DCLK2: variants seen among roughly 807,000 people sequenced by gnomAD.
DCLK2 encodes serine/threonine-protein kinase DCLK2.
Under a neutral mutation model 78.4 loss-of-function variants are expected in DCLK2, and 31 were observed. That is an observed-to-expected ratio of 0.40 (90% confidence interval 0.30 to 0.53). DCLK2 has a LOEUF of 0.53. DCLK2 is among the 20% of genes least tolerant of loss of function. The pLI is 0.61. For synonymous variants in DCLK2, 407 were observed against 374.9 expected, an observed-to-expected ratio of 1.09 and a Z score of -0.99; for missense variants, 872 against 973.7, an observed-to-expected ratio of 0.90 and a Z score of 1.39.
intron 1 of DCLK2, among the ~76,000 whole-genome samples, chr4:150,087,164 G>T (rs533941954): frequency 1.3e-5 from 2 of 152,292 alleles, no homozygotes; most frequent in African/African-American, 4.8e-5. Context: ...TTTGTCAGAA[G>T]CTTTTCCTTA....
At position 150,078,658 on chromosome 4, in the gene DCLK2, G is replaced by C. The variant is rs1728992564; in HGVS notation, c.-370G>C. On this transcript the variant is annotated 5_prime_UTR_variant, in exon 1 of 16. Transcript: ENST00000296550. Reference sequence around the variant, plus strand: ...ACGCCCGAGCTTTGTGGGCGCCCGCGGGCCCAGCGCGAGCCTCGGGCGGCC... The same window carrying C: ...ACGCCCGAGCTTTGTGGGCGCCCGCCGGCCCAGCGCGAGCCTCGGGCGGCC... The C allele has an allele frequency of 6.2e-6, 1 of 160,094 alleles. No homozygotes were observed. The highest frequency in any genetic ancestry group is 2.4e-5 in the African/African-American group (1 of 41,812). 9.9% of individuals were successfully genotyped at this position (160,094 alleles called of 1,614,324 possible).
At position 150,183,736 on chromosome 4, in the gene DCLK2, T is replaced by C. The variant is rs999218388; in HGVS notation, c.757-9402T>C. 2.7e-5 allele frequency among the ~76,000 whole-genome samples: 4 copies of C among 150,180 alleles called. No individual in the cohort carries two copies. The East Asian group carries it at 5.8e-4, about 22-fold the overall frequency. ...TTCTTTTGATTTCTTTTTTTCTTTT[T>C]CTTTTTTTTTTTTTGGAGACAGAGT... On this transcript the variant is annotated intron_variant, in intron 2 of 15. Transcript: ENST00000296550.
intron 6 of DCLK2, 89 bp downstream of exon 6, chr4:150,220,867 A>G (rs775524189): frequency 9.3e-7 from 1 of 1,072,458 alleles, no homozygotes; most frequent in South Asian, 1.4e-5. Context: ...CTAAATTACG[A>G]TCTTCCTAAA....
intron 2 of DCLK2, among the ~76,000 whole-genome samples, chr4:150,173,690 G>A (rs1022951306): frequency 4.6e-5 from 7 of 152,234 alleles, no homozygotes; most frequent in African/African-American, 1.7e-4. Flanking sequence ...TGTCCTCTCA[G>A]GCAGTATGAA....
At position 150,250,877 on chromosome 4, in the gene DCLK2, C is replaced by T. The variant is rs1560912342; in HGVS notation, c.2073+1193C>T. Reference sequence around the variant, plus strand: ...ACATCCCCACACCCCCAACATCCCCCACACTCCCCACACCCCCCACACCCC... The same window carrying T: ...ACATCCCCACACCCCCAACATCCCCTACACTCCCCACACCCCCCACACCCC... On this transcript the variant is annotated intron_variant, in intron 15 of 15. Transcript: ENST00000296550. Among the ~76,000 whole-genome samples, 3 of 102,362 alleles carry T rather than the reference C, an allele frequency of 2.9e-5. No individual in the cohort carries two copies. The South Asian group carries it at 1.0e-3, about 36-fold the overall frequency. The allele number at this position is 102,362 out of a possible 152,430, so 67.2% of individuals were successfully genotyped here.
chr4:150,135,353 C>T (rs1267599909), intron 2 of DCLK2, among the ~76,000 whole-genome samples: 1 of 152,152 alleles, frequency 6.6e-6, no homozygotes, highest in East Asian at 1.9e-4. Context: ...TGCAAGAATA[C>T]CTTATTAATG....
chr4:150,086,081 C>G (rs1359630353), intron 1 of DCLK2, among the ~76,000 whole-genome samples: 1 of 152,146 alleles, frequency 6.6e-6, no homozygotes, highest in Non-Finnish European at 1.5e-5. Context: ...TTTCCATAGA[C>G]CATCCTCGTG....
chr4:150,103,939 T>A (rs1203593784), intron 2 of DCLK2, among the ~76,000 whole-genome samples: 1 of 152,092 alleles, frequency 6.6e-6, no homozygotes, highest in Non-Finnish European at 1.5e-5. Context: ...ATTTAGTTAA[T>A]AGCACAGTAC....
At chr4:150,210,009 A>G (rs111566730) in intron 5 of DCLK2, among the ~76,000 whole-genome samples, 3,277 of 152,274 alleles carry the variant, frequency 0.022, 113 homozygotes, top group African/African-American at 0.07. Context: ...CTGGAGGCAG[A>G]GGTTGCAATG....
intron 3 of DCLK2, among the ~76,000 whole-genome samples, chr4:150,196,263 C>T (rs1399869543): frequency 6.6e-6 from 1 of 152,102 alleles, no homozygotes; most frequent in Non-Finnish European, 1.5e-5. Flanking sequence ...GGATATAGTT[C>T]TGCAGTTCTA....
rs115179200 is a variant in DCLK2 at position 150,085,146 on chromosome 4, C to T, written c.421+5698C>T. 3.0e-3 allele frequency among the ~76,000 whole-genome samples: 460 copies of T among 152,246 alleles called. 3 individuals carry two copies. The highest frequency in any genetic ancestry group is 9.8e-3 in the African/African-American group (407 of 41,536). The stretch of plus-strand genomic sequence containing the variant: ...AAGAGGTAGAGCTGGCACTTGAGCC[C>T]TTTCTCCCTGGCTTCTGAAACTCTG... On this transcript the variant is annotated intron_variant, in intron 1 of 15. Coordinates refer to ENST00000296550, the MANE Select transcript of DCLK2 (RefSeq NM_001040260.4).
chr4:150,229,144 A>T (rs1186298243), intron 8 of DCLK2, among the ~76,000 whole-genome samples: 2 of 152,128 alleles, frequency 1.3e-5, no homozygotes, highest in African/African-American at 2.4e-5. Context: ...GTTCGAGACC[A>T]GCCCTGGCAA....
chr4:150,166,235 A>G (rs2150251061), intron 2 of DCLK2, among the ~76,000 whole-genome samples: 1 of 152,294 alleles, frequency 6.6e-6, no homozygotes, highest in African/African-American at 2.4e-5. Flanking sequence ...CACACCTGTA[A>G]TCCCAGCACT....
intron 4 of DCLK2, 36 bp downstream of exon 4, chr4:150,198,139 G>C: frequency 6.5e-7 from 1 of 1,549,036 alleles, no homozygotes; most frequent in Non-Finnish European, 8.8e-7. Flanking sequence ...GTCATAGCAG[G>C]AACAGATCAT....
intron 2 of DCLK2, among the ~76,000 whole-genome samples, chr4:150,117,117 C>T (rs2150175968): frequency 6.6e-6 from 1 of 152,206 alleles, no homozygotes; most frequent in South Asian, 2.1e-4. Context: ...TGTGCAGGTG[C>T]AAGCAGTGGC....
intron 2 of DCLK2, among the ~76,000 whole-genome samples, chr4:150,175,117 T>TATA (rs1491141894): frequency 1.0e-4 from 7 of 69,344 alleles, no homozygotes; most frequent in African/African-American, 2.5e-4. Context: ...TATATTTATA[T>TATA]TTTTTATATA....
At chr4:150,145,306 A>G (rs1396614429) in intron 2 of DCLK2, among the ~76,000 whole-genome samples, 1 of 152,134 alleles carries the variant, frequency 6.6e-6, no homozygotes, top group African/African-American at 2.4e-5. Flanking sequence ...GTTGTCTGTC[A>G]GTTGTTAAGG....
intron 10 of DCLK2, among the ~76,000 whole-genome samples, chr4:150,236,758 C>T (rs17026769): frequency 0.015 from 2,232 of 152,302 alleles, 59 homozygotes; most frequent in African/African-American, 0.051. Flanking sequence ...GCTTCTGTGT[C>T]CAGCATTGGG....
At position 150,078,748 on chromosome 4, in the gene DCLK2, G is replaced by C. The variant is rs968090089; in HGVS notation, c.-280G>C. ...TGAGGCGTGGCCGGGTGGAGGAGGC[G>C]CTTGCGGGGGCGTGGGGCTCCCCGG... On this transcript the variant is annotated 5_prime_UTR_variant, in exon 1 of 16. Transcript: ENST00000296550. 3 of 296,714 alleles carry C rather than the reference G, an allele frequency of 1.0e-5. No homozygotes were observed. The highest frequency in any genetic ancestry group is 5.2e-5 in the Admixed American group (1 of 19,338). 18.4% of individuals were successfully genotyped at this position (296,714 alleles called of 1,614,324 possible).
Sources: gnomAD v4.1 joint callset for allele counts (sites outside exome capture counted in the v4.1 genomes callset) on GRCh38, gnomAD v4.1.1 for gene constraint, MANE v1.5 for transcripts, NCBI Gene and HGNC (gene_info 2026-07-23, HGNC 2026-07-21) for gene names.